The following SFTPD variants were observed in gnomAD, a reference collection of about 807,000 sequenced individuals.
SFTPD encodes surfactant protein D, also known as pulmonary surfactant-associated protein D.
Under a neutral mutation model 34.6 loss-of-function variants are expected in SFTPD, and 18 were observed. The observed-to-expected ratio is 0.52, with a 90% CI of 0.36 to 0.77. SFTPD has a LOEUF of 0.77. Ranked by LOEUF, SFTPD falls within the 30% of genes least tolerant of loss-of-function variation. The pLI, the probability that SFTPD is intolerant of heterozygous loss-of-function variation, is 0.00. For synonymous variants in SFTPD, 155 were observed against 180.9 expected (o/e 0.86, Z 1.15); for missense variants, 433 against 468.9 (o/e 0.92, Z 0.71).
chr10:79,962,201 T>C (rs1213327647), intron 1 of SFTPD, among the ~76,000 whole-genome samples: 2 of 146,698 alleles, frequency 1.4e-5, no homozygotes, highest in African/African-American at 2.5e-5. Context: ...TGCTAAATGA[T>C]GAGTTAATGG....
intron 1 of SFTPD, among the ~76,000 whole-genome samples, chr10:79,980,749 C>G (rs1306630521): frequency 6.6e-6 from 1 of 152,264 alleles, no homozygotes; most frequent in Non-Finnish European, 1.5e-5. Context: ...GCAAGAGTCA[C>G]AGCATTACTG....
intron 1 of SFTPD, among the ~76,000 whole-genome samples, chr10:79,967,650 A>T (rs188626646): frequency 6.7e-6 from 1 of 148,494 alleles, no homozygotes; most frequent in African/African-American, 2.5e-5. Context: ...ATAATGCCGC[A>T]TATCTACAAC....
At chr10:79,969,553 A>G (rs1033316807) in intron 1 of SFTPD, 39 of 152,140 alleles carry the variant, frequency 2.6e-4, no homozygotes, top group African/African-American at 8.9e-4. Context: ...CACATCCTCA[A>G]CAACACTTAT....
chr10:79,941,477 A>G lies in SFTPD; in HGVS notation c.588T>C (p.Gly196=). The G allele has an allele frequency of 2.5e-6, 4 of 1,612,588 alleles. No individual in the cohort carries two copies. The highest frequency in any genetic ancestry group is 3.4e-6 in the Non-Finnish European group (4 of 1,179,166). ...CCTTCAATCCCGGGGGTCCCCTGGC[A>G]CCTGGACTTCCCTGGGGACCCATGG... The part of the protein sequence containing the change: ...AGAMGPQGSP[G]ARGPPGLKGD... Residue 196 remains glycine, a synonymous_variant, in exon 6 of 8, where the codon GGT becomes GGC. Transcript: ENST00000372292.
At chr10:79,973,016 C>T (rs547035909) in intron 1 of SFTPD, 1 of 152,246 alleles carries the variant, frequency 6.6e-6, no homozygotes, top group South Asian at 2.1e-4. Context: ...TAATACTGAG[C>T]TGTTATCATG....
chr10:79,967,786 C>T (rs1015074667), intron 1 of SFTPD, among the ~76,000 whole-genome samples: 4 of 152,024 alleles, frequency 2.6e-5, no homozygotes, highest in South Asian at 2.1e-4. Flanking sequence ...GTGAAAATGG[C>T]CTGTTCCTGC....
intron 1 of SFTPD, chr10:79,969,088 CAGCACTTTGG>C (rs1842820317): frequency 6.6e-6 from 1 of 152,060 alleles, no homozygotes; most frequent in African/African-American, 2.4e-5. Flanking sequence ...CCTATAATTC[CAGCACTTTGG>C]GAGGCTGGGG....
intron 1 of SFTPD, among the ~76,000 whole-genome samples, chr10:79,975,912 C>A (rs1033837846): frequency 2.0e-5 from 3 of 152,224 alleles, no homozygotes; most frequent in Non-Finnish European, 4.4e-5. Context: ...TGCCTTTAAG[C>A]GGTTTTCCAC....
rs1398592109 is a variant in SFTPD, at chr10:79,967,543, C to T, written c.36+15032G>A. 1.5e-4 allele frequency among the ~76,000 whole-genome samples: 22 copies of T among 142,356 alleles called. 2 individuals are homozygous for T. Among genetic ancestry groups the T allele is most frequent in the Non-Finnish European group, 1.5e-5 (1 of 66,730 alleles). 93.4% of individuals were successfully genotyped at this position (142,356 alleles called of 152,430 possible). Reference sequence around the variant, plus strand: ...AAGCTGGAGGCATCACACTACCTGACTTCAAATTATACTACAAGGCTACAG... The same window carrying T: ...AAGCTGGAGGCATCACACTACCTGATTTCAAATTATACTACAAGGCTACAG... On this transcript the variant is annotated intron_variant, in intron 1 of 5. Coordinates refer to the SFTPD transcript ENST00000444384.
intron 1 of SFTPD, among the ~76,000 whole-genome samples, 200 bp downstream of exon 1, chr10:79,948,866 C>A (rs1276737028): frequency 1.3e-5 from 2 of 152,306 alleles, no homozygotes; most frequent in Non-Finnish European, 2.9e-5. Flanking sequence ...AGCAAATCCT[C>A]CCCTGGGCTG....
At position 79,955,010 on chromosome 10, in the gene SFTPD, T is replaced by C. The variant is rs531739606; in HGVS notation, c.37-8348A>G. ...CCACTTCCTTTCAACCCCCACATCC[T>C]CACCACCTGTTTCTTTGTTTGATCA... On this transcript the variant is annotated intron_variant, in intron 1 of 5. Coordinates refer to the SFTPD transcript ENST00000444384. Among the ~76,000 whole-genome samples the C allele has an allele frequency of 3.3e-5, 5 of 152,304 alleles. No homozygotes were observed. The East Asian group carries it at 9.6e-4, about 29-fold the overall frequency.
At chr10:79,955,163 C>G (rs570734480) in intron 1 of SFTPD, among the ~76,000 whole-genome samples, 1 of 152,172 alleles carries the variant, frequency 6.6e-6, no homozygotes, top group Non-Finnish European at 1.5e-5. Flanking sequence ...TCGTAGCCCC[C>G]ACAGCCTGGT....
In SFTPD at chr10:79,942,779, T is replaced by TCC. The variant is rs751087670; in HGVS notation, c.298_299dup (p.Asp101GlufsTer30). 2 of 1,610,444 alleles carry TCC rather than the reference T, an allele frequency of 1.2e-6. No individual in the cohort carries two copies. Among genetic ancestry groups the TCC allele is most frequent in the East Asian group, 4.5e-5 (2 of 44,850 alleles). ...GTTGCTCACCACTTGGCCCAGTGTC[T>TCC]CCCTTTGGTCCAGGTTCTCCAACAG... On this transcript the variant is annotated frameshift_variant, in exon 3 of 8. Coordinates refer to ENST00000372292, the MANE Select transcript of SFTPD (RefSeq NM_003019.5). LOFTEE classifies it high-confidence loss of function.
chr10:79,958,066 G>A (rs1394062461), intron 1 of SFTPD, among the ~76,000 whole-genome samples: 1 of 152,100 alleles, frequency 6.6e-6, no homozygotes, highest in Non-Finnish European at 1.5e-5. Context: ...CATAAGTGAA[G>A]GAGAAATAAA....
chr10:79,946,709 A>G (rs929754588), intron 1 of SFTPD, 47 bp from the exon 2 acceptor site: 1 of 1,556,288 alleles, frequency 6.4e-7, no homozygotes, highest in Non-Finnish European at 8.8e-7. Context: ...TGCTTCATGG[A>G]CATGGTTTAG....
Position 79,942,430 on chromosome 10 carries a change from G to A in SFTPD, c.391C>T (p.Pro131Ser). The stretch of plus-strand genomic sequence containing the variant: ...CCTTTTGGGCCTGGCTTGCCCTGAG[G>A]TCCTATGTTCCCCTGCTTCCCCAGG... ...GPLGKQGNIG[P>S]QGKPGPKGEA... Residue 131 changes from proline to serine, a missense_variant, in exon 4 of 8, where the codon CCT (proline) becomes TCT (serine). Physicochemically the swap from Pro to Ser is moderately conservative, Grantham distance 74. Transcript: ENST00000372292. The A allele has an allele frequency of 6.2e-7, 1 of 1,613,496 alleles. No individual in the cohort carries two copies. Among genetic ancestry groups the A allele is most frequent in the Non-Finnish European group, 8.5e-7 (1 of 1,179,538 alleles).
chr10:79,942,115 C>A (rs1295516604), intron 4 of SFTPD, 45 bp from the exon 5 acceptor site: 3 of 1,408,724 alleles, frequency 2.1e-6, no homozygotes, highest in African/African-American at 2.8e-5. Flanking sequence ...AGAGCGCGTT[C>A]AGCAGGTGTG....
intron 1 of SFTPD, among the ~76,000 whole-genome samples, chr10:79,975,097 A>G (rs918311047): frequency 5.9e-5 from 9 of 151,994 alleles, no homozygotes; most frequent in African/African-American, 1.9e-4. Context: ...CCTCTAAATC[A>G]CTCTCTCATC....
chr10:79,977,873 G>A (rs1842871456), intron 1 of SFTPD, among the ~76,000 whole-genome samples: 1 of 151,110 alleles, frequency 6.6e-6, no homozygotes, highest in Non-Finnish European at 1.5e-5. Flanking sequence ...TTATTTTTCA[G>A]TAAAGAGATC....
Sources: allele counts gnomAD v4.1 joint callset (sites outside exome capture counted in the v4.1 genomes callset), GRCh38; gene constraint gnomAD v4.1.1; transcripts MANE v1.5; gene names NCBI Gene and HGNC (gene_info 2026-07-23, HGNC 2026-07-21).